The following SEC23IP variants were observed in gnomAD, a reference collection of about 807,000 sequenced individuals.
SEC23IP encodes SEC23 interacting protein.
A neutral mutation model predicts 113.4 loss-of-function variants in SEC23IP; 70 were observed. The observed-to-expected ratio is 0.62, with a 90% CI of 0.51 to 0.75. The LOEUF (loss-of-function observed/expected upper bound fraction) is 0.75, where lower values mean the gene tolerates loss of function less well. SEC23IP is among the 30% of genes least tolerant of loss of function. The probability of loss-of-function intolerance (pLI) is 0.00; values close to 1 mark genes in which losing one functional copy is unlikely to be tolerated. For synonymous variants in SEC23IP, 398 were observed against 421.0 expected, an observed-to-expected ratio of 0.95 and a Z score of 0.67; for missense variants, 1,160 against 1,204.9, an observed-to-expected ratio of 0.96 and a Z score of 0.55.
At position 119,919,592 on chromosome 10, in the gene SEC23IP, C is replaced by A; in HGVS notation, c.2021C>A (p.Ser674Tyr). 1 of 1,590,448 alleles carries A rather than the reference C, an allele frequency of 6.3e-7. No individual in the cohort carries two copies. The highest frequency in any genetic ancestry group is 1.2e-5 in the South Asian group (1 of 85,534). The change falls in exon 11 of 19, where the codon TCC becomes TAC. Residue 674 changes from serine to tyrosine, a missense_variant. By Grantham distance (144) the Ser-to-Tyr change is moderately radical (BLOSUM62 -2). Coordinates refer to ENST00000369075, the MANE Select transcript of SEC23IP (RefSeq NM_007190.4). ...GAAAAGGAAAAGATTGATATGGAGT[C>A]CCTGGTACTGATCATAGTTTGCTTC... ...TFEKEKIDME[S>Y]LLMCTVDDLK...
In SEC23IP at chr10:119,912,167, G is replaced by A. The variant is rs1216385926; in HGVS notation, c.1312+3G>A. On this transcript the variant is annotated splice_donor_region_variant and intron_variant, in intron 6 of 18. Transcript: ENST00000369075. ...TAACCTTGATGAAATTCCCGACGGT[G>A]TGTATAGTTTGTTTAGAACTGAGGT... The A allele has an allele frequency of 6.8e-6, 11 of 1,613,764 alleles. No individual in the cohort carries two copies. The highest frequency in any genetic ancestry group is 9.3e-6 in the Non-Finnish European group (11 of 1,179,862).
At chr10:119,912,658 T>C (rs1204310449) in intron 6 of SEC23IP, among the ~76,000 whole-genome samples, 34 of 150,186 alleles carry the variant, frequency 2.3e-4, no homozygotes, top group African/African-American at 4.4e-4. Flanking sequence ...TTTTTTTTTT[T>C]CAGACAGGGT....
chr10:119,933,607 C>A, intron 17 of SEC23IP, 79 bp from the exon 18 acceptor site: 1 of 769,196 alleles, frequency 1.3e-6, no homozygotes. Context: ...TAGAATAGAA[C>A]CTGCATTTTC....
rs768050186 is a variant in SEC23IP at position 119,933,177 on chromosome 10, C to T, written c.2921+10C>T. 1 of 1,610,496 alleles carries T rather than the reference C, an allele frequency of 6.2e-7. No individual in the cohort carries two copies. Among genetic ancestry groups the T allele is most frequent in the South Asian group, 1.1e-5 (1 of 90,362 alleles). ...GTCACTTATGCTATTGGTAAGTGTT[C>T]TTAAATTTGGTAACATTTGAGTGGG... On this transcript the variant is annotated intron_variant, in intron 17 of 18. Coordinates refer to ENST00000369075, the MANE Select transcript of SEC23IP (RefSeq NM_007190.4).
chr10:119,896,061 G>A (rs996509246), intron 1 of SEC23IP, among the ~76,000 whole-genome samples: 1 of 152,242 alleles, frequency 6.6e-6, no homozygotes, highest in East Asian at 1.9e-4. Flanking sequence ...AGAGGATTCA[G>A]TTGGGAGGCA....
intron 6 of SEC23IP, among the ~76,000 whole-genome samples, chr10:119,914,202 G>C (rs1316956176): frequency 2.0e-5 from 3 of 152,202 alleles, no homozygotes; most frequent in Non-Finnish European, 2.9e-5. Flanking sequence ...ATGTGGGTAG[G>C]ATTTGGCCTG....
intron 5 of SEC23IP, among the ~76,000 whole-genome samples, chr10:119,909,553 A>G (rs1324756318): frequency 1.3e-5 from 2 of 152,074 alleles, no homozygotes; most frequent in Non-Finnish European, 2.9e-5. Flanking sequence ...TCCCCGCTGC[A>G]CTCTAGTAGC....
intron 15 of SEC23IP, among the ~76,000 whole-genome samples, chr10:119,931,702 G>T (rs1363430267): frequency 6.6e-6 from 1 of 151,776 alleles, no homozygotes; most frequent in Non-Finnish European, 1.5e-5. Context: ...ACAGGCGCCT[G>T]CCACCACGCC....
In SEC23IP at chr10:119,918,503, GA is replaced by G; in HGVS notation, c.1868del (p.Lys623SerfsTer9). 6.2e-7 allele frequency: 1 copy of G among 1,603,170 alleles called. No individual in the cohort carries two copies. On this transcript the variant is annotated frameshift_variant, in exon 10 of 19. Transcript: ENST00000369075. LOFTEE classifies it high-confidence loss of function. Reference protein sequence around the residue: ...NGVVKQLHFQEKQMPEEPKLT... With the variant: ...NGVVKQLHFQXKQMPEEPKLT... ...AGTTGTGAAGCAGCTACATTTTCAG[GA>G]AAAGCAGGTACGTCTGTACGTGGCC...
At position 119,892,741 on chromosome 10, in the gene SEC23IP, AC is replaced by A. The variant is rs763611731; in HGVS notation, c.-40del. 5.1e-6 allele frequency: 8 copies of A among 1,563,594 alleles called. No homozygotes were observed. The African/African-American group carries it at 1.1e-4, about 21-fold the overall frequency. ...ATCGGTTTCCGGTCAGTGGTGTGGT[AC>A]CGGGTACCCGGAGACGTGTATCGGA... On this transcript the variant is annotated 5_prime_UTR_variant, in exon 1 of 19. Coordinates refer to ENST00000369075, the MANE Select transcript of SEC23IP (RefSeq NM_007190.4).
At position 119,929,591 on chromosome 10, in the gene SEC23IP, A is replaced by C. The variant is rs913282165; in HGVS notation, c.2314-16A>C. On this transcript the variant is annotated splice_polypyrimidine_tract_variant and intron_variant, in intron 13 of 18. Transcript: ENST00000369075. ...ATTGGAACAATCATCTTTCATTGTT[A>C]TTTGATTCTTTCCAGGTTTCTGTTG... The C allele has an allele frequency of 3.8e-6, 6 of 1,597,360 alleles. No individual in the cohort carries two copies. The African/African-American group carries it at 4.0e-5, about 11-fold the overall frequency.
chr10:119,934,589 A>G (rs1855714454), intron 18 of SEC23IP, among the ~76,000 whole-genome samples: 1 of 152,246 alleles, frequency 6.6e-6, no homozygotes, highest in Admixed American at 6.5e-5. Flanking sequence ...AAAACAAGTA[A>G]TGTGTTTTTT....
At chr10:119,912,563 A>G (rs147494720) in intron 6 of SEC23IP, among the ~76,000 whole-genome samples, 6 of 152,182 alleles carry the variant, frequency 3.9e-5, no homozygotes, top group South Asian at 4.1e-4. Flanking sequence ...TATTATGTCT[A>G]TCACCTCAAA....
Position 119,912,353 on chromosome 10 carries a change from G to A in SEC23IP, c.1312+189G>A, listed in dbSNP as rs199604067. On this transcript the variant is annotated intron_variant, in intron 6 of 18. Transcript: ENST00000369075. ...TTGCCATGTTGCCCAGACTTTTCTC[G>A]AACTCCTGAGCTCAAGCTATTTGCC... 3.3e-5 allele frequency among the ~76,000 whole-genome samples: 5 copies of A among 152,024 alleles called. No individual in the cohort carries two copies. In the East Asian group the frequency reaches 7.7e-4, roughly 24 times the overall value.
intron 12 of SEC23IP, among the ~76,000 whole-genome samples, chr10:119,922,428 A>C (rs1855278484): frequency 6.6e-6 from 1 of 152,140 alleles, no homozygotes; most frequent in Non-Finnish European, 1.5e-5. Context: ...GGTGTTTTTA[A>C]ACATTACAAA....
intron 3 of SEC23IP, 120 bp downstream of exon 3, chr10:119,903,129 T>G: frequency 6.2e-6 from 5 of 802,870 alleles, no homozygotes; most frequent in Non-Finnish European, 9.8e-6. Flanking sequence ...CCCCAGACTC[T>G]GTACCTTAAG....
At chr10:119,909,014 G>A (rs781066251) in intron 4 of SEC23IP, 27 bp from the exon 5 acceptor site, 3 of 1,469,356 alleles carry the variant, frequency 2.0e-6, no homozygotes, top group Non-Finnish European at 2.8e-6. Flanking sequence ...TGTCATGTTG[G>A]AATATATGTT....
intron 14 of SEC23IP, 92 bp downstream of exon 14, chr10:119,929,854 G>A (rs1855537699): frequency 2.5e-6 from 2 of 784,754 alleles, no homozygotes; most frequent in Non-Finnish European, 4.0e-6. Context: ...TTACTATGTG[G>A]ACCACACTGG....
At chr10:119,931,072 A>G (rs1855582001) in intron 15 of SEC23IP, among the ~76,000 whole-genome samples, 2 of 152,210 alleles carry the variant, frequency 1.3e-5, no homozygotes, top group Admixed American at 6.5e-5. Context: ...TGCGTTTGAT[A>G]ACTCAGAGAC....
Sources: allele counts gnomAD v4.1 joint callset (sites outside exome capture counted in the v4.1 genomes callset), GRCh38; gene constraint gnomAD v4.1.1; transcripts MANE v1.5; gene names NCBI Gene and HGNC (gene_info 2026-07-23, HGNC 2026-07-21).